Variants in GRID2 observed in about 807,000 individuals in gnomAD.
The protein encoded by GRID2 is glutamate receptor ionotropic, delta-2.
GRID2 carries 33 observed loss-of-function variants against 114.8 expected under a neutral mutation model. The ratio of observed to expected loss-of-function variants is 0.29; its 90% CI spans 0.22 to 0.38. GRID2 has a LOEUF of 0.38. Ranked by LOEUF, GRID2 falls within the 10% of genes least tolerant of loss-of-function variation. The probability of loss-of-function intolerance (pLI) is 1.00; values close to 1 mark genes in which losing one functional copy is unlikely to be tolerated. For synonymous variants in GRID2, 505 were observed against 449.9 expected, an observed-to-expected ratio of 1.12 and a Z score of -1.55; for missense variants, 1,184 against 1,257.7, an observed-to-expected ratio of 0.94 and a Z score of 0.89.
chr4:92,868,134 G>C (rs1745034617), intron 2 of GRID2, among the ~76,000 whole-genome samples: 1 of 149,964 alleles, frequency 6.7e-6, no homozygotes, highest in South Asian at 2.1e-4. Flanking sequence ...CAGTTGACAA[G>C]TTAACTATTT....
intron 14 of GRID2, among the ~76,000 whole-genome samples, chr4:93,705,306 G>T (rs1229206195): frequency 6.6e-6 from 1 of 150,664 alleles, no homozygotes; most frequent in African/African-American, 2.4e-5. Context: ...TTTTGTTGTT[G>T]TTGTTGTTTT....
At chr4:92,507,415 T>TTGTGTGTGTGTG (rs70940902) in intron 1 of GRID2, among the ~76,000 whole-genome samples, 12 of 149,244 alleles carry the variant, frequency 8.0e-5, no homozygotes, top group African/African-American at 2.7e-4. Context: ...TCGTGTATAA[T>TTGTGTGTGTGTG]TGTGTGTGTG....
intron 2 of GRID2, among the ~76,000 whole-genome samples, chr4:93,058,496 C>T (rs1727470919): frequency 6.6e-6 from 1 of 151,940 alleles, no homozygotes; most frequent in African/African-American, 2.4e-5. Context: ...TACTAAGAGG[C>T]AATGAGTTTG....
chr4:92,932,839 T>G (rs1750352737), intron 2 of GRID2, among the ~76,000 whole-genome samples: 1 of 151,400 alleles, frequency 6.6e-6, no homozygotes, highest in Admixed American at 6.6e-5. Flanking sequence ...TGGTATATTC[T>G]GTATGTATGT....
At chr4:93,000,203 T>A (rs1755454442) in intron 2 of GRID2, among the ~76,000 whole-genome samples, 1 of 151,686 alleles carries the variant, frequency 6.6e-6, no homozygotes, top group Non-Finnish European at 1.5e-5. Flanking sequence ...TGGGAAATAA[T>A]ATATGTATTA....
At chr4:93,487,856 G>T (rs952196537) in intron 11 of GRID2, among the ~76,000 whole-genome samples, 1 of 151,780 alleles carries the variant, frequency 6.6e-6, no homozygotes, top group East Asian at 1.9e-4. Flanking sequence ...GTTCTGAATG[G>T]CTTCATCCAC....
chr4:93,510,825 A>G (rs1729092052), intron 12 of GRID2, among the ~76,000 whole-genome samples: 1 of 152,236 alleles, frequency 6.6e-6, no homozygotes, highest in Non-Finnish European at 1.5e-5. Flanking sequence ...TCAAATACTG[A>G]TTTGACAGAT....
At chr4:92,691,045 A>T (rs371817580) in intron 2 of GRID2, among the ~76,000 whole-genome samples, 8 of 152,200 alleles carry the variant, frequency 5.3e-5, no homozygotes, top group East Asian at 1.9e-4. Flanking sequence ...ACCTGGCCTT[A>T]TTCTCTTCTG....
chr4:93,347,041 G>T (rs902221838), intron 8 of GRID2, among the ~76,000 whole-genome samples: 1 of 151,916 alleles, frequency 6.6e-6, no homozygotes, highest in Non-Finnish European at 1.5e-5. Context: ...GTCTTTCCTT[G>T]CCTCACCACT....
At chr4:92,498,616 A>G (rs1723513347) in intron 1 of GRID2, among the ~76,000 whole-genome samples, 1 of 151,906 alleles carries the variant, frequency 6.6e-6, no homozygotes, top group South Asian at 2.1e-4. Flanking sequence ...TTCTTAATGA[A>G]TGGACTAGGA....
intron 11 of GRID2, among the ~76,000 whole-genome samples, chr4:93,483,472 T>C (rs751457678): frequency 1.3e-5 from 2 of 151,932 alleles, no homozygotes; most frequent in Non-Finnish European, 2.9e-5. Flanking sequence ...AAGAAGTGGA[T>C]TTACCAAACA....
intron 1 of GRID2, among the ~76,000 whole-genome samples, chr4:93,797,496 C>T (rs1206533810): frequency 6.6e-6 from 1 of 152,100 alleles, no homozygotes; most frequent in African/African-American, 2.4e-5. Flanking sequence ...AGGAAGGTGC[C>T]TGCAAATTTA....
At chr4:92,634,736 C>CTT (rs1363203908) in intron 2 of GRID2, among the ~76,000 whole-genome samples, 8 of 121,318 alleles carry the variant, frequency 6.6e-5, no homozygotes, top group Non-Finnish European at 1.1e-4. Flanking sequence ...AGAAACATTT[C>CTT]TTTTTTTTTT....
intron 1 of GRID2, among the ~76,000 whole-genome samples, chr4:93,802,091 T>C (rs553183492): frequency 2.0e-5 from 3 of 152,364 alleles, no homozygotes; most frequent in Admixed American, 2.0e-4. Context: ...TGTATGCTTA[T>C]GTTTCCGATT....
intron 8 of GRID2, among the ~76,000 whole-genome samples, chr4:93,259,730 AT>A (rs1288149292): frequency 1.3e-5 from 2 of 151,834 alleles, no homozygotes; most frequent in East Asian, 3.9e-4. Context: ...TGTTTTTTCA[AT>A]TCATTTTATA....
chr4:93,316,844 T>G (rs1756710248), intron 8 of GRID2, among the ~76,000 whole-genome samples: 1 of 152,090 alleles, frequency 6.6e-6, no homozygotes, highest in Non-Finnish European at 1.5e-5. Flanking sequence ...AATGTTTCCT[T>G]TCAAACTATT....
intron 1 of GRID2, among the ~76,000 whole-genome samples, chr4:92,411,655 G>GTGTGTATATA: frequency 5.4e-4 from 46 of 84,692 alleles, no homozygotes; most frequent in African/African-American, 2.5e-3. Flanking sequence ...GTGTGTGTGT[G>GTGTGTATATA]TATATATATA....
At chr4:93,472,113 T>A (rs1375371472) in intron 11 of GRID2, among the ~76,000 whole-genome samples, 2 of 150,820 alleles carry the variant, frequency 1.3e-5, no homozygotes, top group Admixed American at 1.3e-4. Context: ...TCACCTGAGG[T>A]TGGGAGTTCA....
intron 1 of GRID2, among the ~76,000 whole-genome samples, chr4:92,525,928 A>G (rs1179921023): frequency 6.6e-6 from 1 of 152,072 alleles, no homozygotes; most frequent in African/African-American, 2.4e-5. Flanking sequence ...TGAACTTTTA[A>G]ATGACAACAA....
Sources: gnomAD v4.1 joint callset for allele counts (sites outside exome capture counted in the v4.1 genomes callset) on GRCh38, gnomAD v4.1.1 for gene constraint, MANE v1.5 for transcripts, NCBI Gene and HGNC (gene_info 2026-07-23, HGNC 2026-07-21) for gene names.